Variants in CHERP observed in about 807,000 individuals in gnomAD.
CHERP encodes calcium homeostasis endoplasmic reticulum protein, also known as ERPROT 213-21.
In CHERP, 8 loss-of-function variants were observed where a neutral mutation model predicts 113.8. The ratio of observed to expected loss-of-function variants is 0.07; its 90% confidence interval spans 0.04 to 0.13. The LOEUF is 0.13. Ranked by LOEUF, CHERP falls within the 10% of genes least tolerant of loss-of-function variation. The pLI is 1.00. For synonymous variants in CHERP, 559 were observed against 524.5 expected, an observed-to-expected ratio of 1.07 and a Z score of -0.90; for missense variants, 884 against 1,298.2, an observed-to-expected ratio of 0.68 and a Z score of 4.90.
chr19:16,520,236 C>A lies in CHERP; in HGVS notation c.2375G>T (p.Ser792Ile), dbSNP rs750289385. 3 of 1,613,294 alleles carry A rather than the reference C, an allele frequency of 1.9e-6. No individual in the cohort carries two copies. The highest frequency in any genetic ancestry group is 2.5e-6 in the Non-Finnish European group (3 of 1,180,022). The change falls in exon 15 of 17, where the codon AGC (serine) becomes ATC (isoleucine). Residue 792 changes from serine to isoleucine, a missense_variant. Coordinates refer to ENST00000546361, the MANE Select transcript of CHERP (RefSeq NM_006387.6). This position sits in a 1 kb window ranked among gnomAD's most constrained non-coding sequence, Gnocchi z 4.0. ...RSRSRSRSSR[S>I]RSRSQSRSRS... The stretch of plus-strand genomic sequence containing the variant: ...GGACCGCGACTGGGACCGGGAGCGG[C>A]TTCTGGAGGAGCGCGACCTGCTCCG...
At chr19:16,529,206 C>T (rs904903215) in intron 8 of CHERP, among the ~76,000 whole-genome samples, 3 of 152,244 alleles carry the variant, frequency 2.0e-5, no homozygotes, top group South Asian at 2.1e-4. Flanking sequence ...TTAGTAGAGA[C>T]GGGGTTTCAC....
Position 16,525,342 on chromosome 19 carries a change from G to C in CHERP, c.1641C>G (p.Phe547Leu). The C allele has an allele frequency of 6.8e-7, 1 of 1,480,484 alleles. No individual in the cohort carries two copies. The highest frequency in any genetic ancestry group is 9.0e-7 in the Non-Finnish European group (1 of 1,114,358). The allele number at this position is 1,480,484 out of a possible 1,614,324, so 91.7% of individuals were successfully genotyped here. A position where few individuals can be genotyped will look rare whatever the true frequency, so the allele number is the denominator to read the frequency against. Residue 547 changes from phenylalanine (F) to leucine (L), a missense_variant, in exon 10 of 17, where the codon TTC (phenylalanine) becomes TTG (leucine). Physicochemically the swap from Phe to Leu is conservative, Grantham distance 22. Transcript: ENST00000546361. This position sits in a 1 kb window ranked among gnomAD's most constrained non-coding sequence, Gnocchi z 6.5. ...AGTCGTCCTGCATGAAGCGGGGCGG[G>C]AAGCGGTTGAAGTTGTGGGGGTGCG... is the stretch of plus-strand genomic sequence containing the variant. Reference protein sequence around the residue: ...QPPHPHNFNRFPPRFMQDDFP... With the variant: ...QPPHPHNFNRLPPRFMQDDFP...
rs563213714 is a variant in CHERP at position 16,519,145 on chromosome 19, C to G, written c.*14G>C. 2.4e-5 allele frequency: 38 copies of G among 1,608,450 alleles called. No homozygotes were observed. The highest frequency in any genetic ancestry group is 2.7e-5 in the Non-Finnish European group (32 of 1,178,092). ...GGCACCGCTGGCCACCGGCGCGGCTCCCGGCATGGGCGCCTACTTACACTC... is the reference window on the plus strand; with the variant it reads ...GGCACCGCTGGCCACCGGCGCGGCTGCCGGCATGGGCGCCTACTTACACTC... On this transcript the variant is annotated 3_prime_UTR_variant, in exon 17 of 17. Coordinates refer to ENST00000546361, the MANE Select transcript of CHERP (RefSeq NM_006387.6). This position sits in a 1 kb window ranked among gnomAD's most constrained non-coding sequence, Gnocchi z 6.0.
intron 2 of CHERP, among the ~76,000 whole-genome samples, chr19:16,540,652 C>T (rs139277844): frequency 2.0e-5 from 3 of 149,454 alleles, no homozygotes; most frequent in East Asian, 4.0e-4. Context: ...GGATTACAGG[C>T]GTCAGCCACT....
Position 16,520,878 on chromosome 19 carries a change from A to G in CHERP, c.2149T>C (p.Phe717Leu). ...CGCCGGGCCCGCATTTTTGCTCGGA[A>G]GAACTCATAGAGGCCGTTCTGCTCC... Reference protein sequence around the residue: ...GWEQNGLYEFFRAKMRARRRK... With the variant: ...GWEQNGLYEFLRAKMRARRRK... Residue 717 changes from phenylalanine (F) to leucine (L), a missense_variant, in exon 13 of 17, where the codon TTC (phenylalanine) becomes CTC (leucine). Physicochemically the swap from Phe to Leu is conservative, Grantham distance 22 (BLOSUM62 0). Around this residue, in one of 8 missense-constraint regions of CHERP, gnomAD observed 159 missense variants for 185.8 expected, o/e 0.86. Coordinates refer to ENST00000546361, the MANE Select transcript of CHERP (RefSeq NM_006387.6). This position sits in a 1 kb window ranked among gnomAD's most constrained non-coding sequence, Gnocchi z 4.0. The G allele has an allele frequency of 1.2e-6, 2 of 1,613,930 alleles. No homozygotes were observed. Among genetic ancestry groups the G allele is most frequent in the Non-Finnish European group, 1.7e-6 (2 of 1,180,036 alleles).
chr19:16,532,507 C>T lies in CHERP; in HGVS notation c.674+91G>A. On this transcript the variant is annotated intron_variant, in intron 5 of 16. Coordinates refer to ENST00000546361, the MANE Select transcript of CHERP (RefSeq NM_006387.6). This position sits in a 1 kb window ranked among gnomAD's most constrained non-coding sequence, Gnocchi z 4.4. ...CCCCCTAGTCTCGGGACAGGCCAAG[C>T]CAAGCTACCGACCGGAGCAAGCGGC... 1.4e-6 allele frequency: 2 copies of T among 1,431,262 alleles called. No homozygotes were observed. Among genetic ancestry groups the T allele is most frequent in the South Asian group, 2.8e-5 (2 of 71,628 alleles). 88.7% of individuals were successfully genotyped at this position (1,431,262 alleles called of 1,614,324 possible). A position where few individuals can be genotyped will look rare whatever the true frequency, so the allele number is the denominator to read the frequency against.
Position 16,532,860 on chromosome 19 carries a change from TG to T in CHERP, c.523-112del. The T allele has an allele frequency of 6.5e-7, 1 of 1,536,510 alleles. No homozygotes were observed. The highest frequency in any genetic ancestry group is 8.8e-7 in the Non-Finnish European group (1 of 1,136,664). On this transcript the variant is annotated intron_variant, in intron 4 of 16. Coordinates refer to ENST00000546361, the MANE Select transcript of CHERP (RefSeq NM_006387.6). The surrounding 1 kb of genome is among the most constrained non-coding windows in gnomAD (Gnocchi z 4.4). ...CTCAGGGAAGGACACACCATGAGCG[TG>T]GGGGGCACAGGGTCCCACAGCCTCA... is the stretch of plus-strand genomic sequence containing the variant.
At position 16,518,818 on chromosome 19, in the gene CHERP, A is replaced by G. The variant is rs1416858650; in HGVS notation, c.*341T>C. 5 of 290,858 alleles carry G rather than the reference A, an allele frequency of 1.7e-5. No individual in the cohort carries two copies. Among genetic ancestry groups the G allele is most frequent in the East Asian group, 1.1e-4 (1 of 8,970 alleles). The allele number at this position is 290,858 out of a possible 1,614,324, so 18.0% of individuals were successfully genotyped here. On this transcript the variant is annotated 3_prime_UTR_variant, in exon 17 of 17. Coordinates refer to ENST00000546361, the MANE Select transcript of CHERP (RefSeq NM_006387.6). ...TCCTGGAGCCTAGGAGGAGGCTTCAATCTGACTTAGGGCAGATGCACATCC... is the reference window on the plus strand; with the variant it reads ...TCCTGGAGCCTAGGAGGAGGCTTCAGTCTGACTTAGGGCAGATGCACATCC...
chr19:16,541,148 A>G (rs1295630032), intron 2 of CHERP: 1 of 152,176 alleles, frequency 6.6e-6, no homozygotes, highest in African/African-American at 2.4e-5. Flanking sequence ...ACCTTAATAC[A>G]TAACACACAA....
At position 16,519,356 on chromosome 19, in the gene CHERP, G is replaced by C. The variant is rs778612091; in HGVS notation, c.2558-4C>G. 2.2e-5 allele frequency: 35 copies of C among 1,609,166 alleles called. No individual in the cohort carries two copies. Among genetic ancestry groups the C allele is most frequent in the Admixed American group, 5.1e-5 (3 of 58,934 alleles). On this transcript the variant is annotated splice_polypyrimidine_tract_variant and splice_region_variant and intron_variant, in intron 16 of 16. Coordinates refer to ENST00000546361, the MANE Select transcript of CHERP (RefSeq NM_006387.6). This position sits in a 1 kb window ranked among gnomAD's most constrained non-coding sequence, Gnocchi z 6.0. ...AGGCCGCCTGAGCCGCTCCAGCCTG[G>C]AAACAGAGACGCAGTCACAACCACA...
rs777141086 is a variant in CHERP at position 16,521,592 on chromosome 19, C to T, written c.2043G>A (p.Pro681=). 2.1e-5 allele frequency: 33 copies of T among 1,608,448 alleles called. No individual in the cohort carries two copies. Among genetic ancestry groups the T allele is most frequent in the South Asian group, 1.4e-4 (13 of 90,084 alleles). The change falls in exon 12 of 17, where the codon CCG becomes CCA. Residue 681 remains proline, a synonymous_variant. Coordinates refer to ENST00000546361, the MANE Select transcript of CHERP (RefSeq NM_006387.6). ...PKDIRLPPPM[P]PSERLLAAVE... ...CTGCAGCCAGCAGCCTCTCGCTGGG[C>T]GGCATGGGGGGTGGGAGGCGGATGT... is the stretch of plus-strand genomic sequence containing the variant.
At chr19:16,529,523 A>G (rs1009088868) in intron 8 of CHERP, 125 bp downstream of exon 8, 3 of 1,209,256 alleles carry the variant, frequency 2.5e-6, no homozygotes, top group South Asian at 1.5e-5. Context: ...TGGGCCTAGG[A>G]GCAGGCCTGG....
Position 16,520,638 on chromosome 19 carries a change from A to G in CHERP, c.2202-131T>C. On this transcript the variant is annotated intron_variant, in intron 13 of 16. Transcript: ENST00000546361. This position sits in a 1 kb window ranked among gnomAD's most constrained non-coding sequence, Gnocchi z 4.0. Reference sequence around the variant, plus strand: ...TGGATGTGGCGCCATAGCCACAGCAACGGTACCAAGTTCCTAAATAGTGTG... The same window carrying G: ...TGGATGTGGCGCCATAGCCACAGCAGCGGTACCAAGTTCCTAAATAGTGTG... 1 of 1,226,040 alleles carries G rather than the reference A, an allele frequency of 8.2e-7. No individual in the cohort carries two copies. Among genetic ancestry groups the G allele is most frequent in the South Asian group, 1.4e-5 (1 of 72,924 alleles). 75.9% of individuals were successfully genotyped at this position (1,226,040 alleles called of 1,614,324 possible). A position where few individuals can be genotyped will look rare whatever the true frequency, so the allele number is the denominator to read the frequency against.
chr19:16,529,503 G>T lies in CHERP; in HGVS notation c.1129+145C>A, dbSNP rs952419113. ...ATCACCTGGCTCGTGCTTGTAAATG[G>T]ATGAAAACCTGGGCCTAGGAGCAGG... On this transcript the variant is annotated intron_variant, in intron 8 of 16. Coordinates refer to ENST00000546361, the MANE Select transcript of CHERP (RefSeq NM_006387.6). 7 of 1,002,656 alleles carry T rather than the reference G, an allele frequency of 7.0e-6. No individual in the cohort carries two copies. The African/African-American group carries it at 9.7e-5, about 14-fold the overall frequency. The allele number at this position is 1,002,656 out of a possible 1,614,324, so 62.1% of individuals were successfully genotyped here. A position where few individuals can be genotyped will look rare whatever the true frequency, so the allele number is the denominator to read the frequency against.
intron 2 of CHERP, among the ~76,000 whole-genome samples, chr19:16,536,695 C>T (rs982587546): frequency 3.9e-5 from 6 of 152,224 alleles, no homozygotes; most frequent in African/African-American, 1.4e-4. Flanking sequence ...CAACTCCTCC[C>T]TCTTTACCCG....
rs772462660 is a variant in CHERP, at chr19:16,529,622, C to A, written c.1129+26G>T. The A allele has an allele frequency of 3.3e-6, 5 of 1,531,332 alleles. No individual in the cohort carries two copies. In the South Asian group the frequency reaches 6.0e-5, roughly 18 times the overall value. The allele number at this position is 1,531,332 out of a possible 1,614,324, so 94.9% of individuals were successfully genotyped here. ...GCCTCTGGGGGCTGTTTCCTGGGGGCAGGCTGAGCTGAGGGAGCCCCGTAC... is the reference window on the plus strand; with the variant it reads ...GCCTCTGGGGGCTGTTTCCTGGGGGAAGGCTGAGCTGAGGGAGCCCCGTAC... On this transcript the variant is annotated intron_variant, in intron 8 of 16. Transcript: ENST00000546361.
rs986183604 is a variant in CHERP, at chr19:16,521,725, G to A, written c.1981-71C>T. On this transcript the variant is annotated intron_variant, in intron 11 of 16. Transcript: ENST00000546361. ...CTCAGGCCCACCCAGGGTCTGCAAG[G>A]AGTGGGGTCAGGGCAGGGCCCAGGT... The A allele has an allele frequency of 6.2e-6, 9 of 1,441,078 alleles. No individual in the cohort carries two copies. In the African/African-American group the frequency reaches 8.6e-5, roughly 14 times the overall value. The allele number at this position is 1,441,078 out of a possible 1,614,324, so 89.3% of individuals were successfully genotyped here.
In CHERP at chr19:16,525,044, C is replaced by A. The variant is rs1033881290; in HGVS notation, c.1741+198G>T. On this transcript the variant is annotated intron_variant, in intron 10 of 16. Coordinates refer to ENST00000546361, the MANE Select transcript of CHERP (RefSeq NM_006387.6). The surrounding 1 kb of genome is among the most constrained non-coding windows in gnomAD (Gnocchi z 6.5). ...TCTGCCTCATCTGCAGCCAGCCGGG[C>A]CTCATCAGGGCGGCAAAACTGAGTC... 2.0e-5 allele frequency among the ~76,000 whole-genome samples: 3 copies of A among 152,222 alleles called. No individual in the cohort carries two copies. The highest frequency in any genetic ancestry group is 4.4e-5 in the Non-Finnish European group (3 of 68,040).
Position 16,532,371 on chromosome 19 carries a change from G to C in CHERP, c.674+227C>G. On this transcript the variant is annotated intron_variant, in intron 5 of 16. Coordinates refer to ENST00000546361, the MANE Select transcript of CHERP (RefSeq NM_006387.6). This position sits in a 1 kb window ranked among gnomAD's most constrained non-coding sequence, Gnocchi z 4.4. ...TGACAGGTGAGGCCGGGGTCTAGGG[G>C]AGAGGACAGGGCATGCAGCGAAGGT... 1.8e-6 allele frequency: 1 copy of C among 541,926 alleles called. No homozygotes were observed. Among genetic ancestry groups the C allele is most frequent in the South Asian group, 2.5e-5 (1 of 39,894 alleles). The allele number at this position is 541,926 out of a possible 1,614,324, so 33.6% of individuals were successfully genotyped here.
Sources: allele counts gnomAD v4.1 joint callset (sites outside exome capture counted in the v4.1 genomes callset), GRCh38; gene constraint gnomAD v4.1.1; regional missense constraint gnomAD v4.1.1; non-coding constraint Gnocchi (gnomAD v3.1); transcripts MANE v1.5; gene names NCBI Gene and HGNC (gene_info 2026-07-23, HGNC 2026-07-21).